The following ROR1 variants were observed in gnomAD, a reference collection of about 807,000 sequenced individuals.
The protein encoded by ROR1 is inactive tyrosine-protein kinase transmembrane receptor ROR1.
In ROR1, 19 loss-of-function variants were observed where a neutral mutation model predicts 78.8. That is an observed-to-expected ratio of 0.24 (90% CI 0.17 to 0.35). ROR1 has a LOEUF of 0.35. Ranked by LOEUF, ROR1 falls within the 10% of genes least tolerant of loss-of-function variation. The probability of loss-of-function intolerance (pLI) is 1.00; values close to 1 mark genes in which losing one functional copy is unlikely to be tolerated. For missense variants in ROR1, 917 were observed against 1,177.8 expected, an observed-to-expected ratio of 0.78 and a Z score of 3.24; for synonymous variants, 386 against 433.6, an observed-to-expected ratio of 0.89 and a Z score of 1.36.
chr1:64,047,102 G>T (rs921718171), intron 2 of ROR1, among the ~76,000 whole-genome samples: 4 of 152,140 alleles, frequency 2.6e-5, no homozygotes, highest in African/African-American at 9.7e-5. Context: ...TAACCATGGG[G>T]CAAGTCTGCT....
At chr1:63,955,145 G>A (rs1470071660) in intron 1 of ROR1, among the ~76,000 whole-genome samples, 1 of 152,114 alleles carries the variant, frequency 6.6e-6, no homozygotes, top group African/African-American at 2.4e-5. Context: ...AGAGAGGTTT[G>A]GCAAACACAA....
chr1:63,945,147 C>A lies in ROR1; in HGVS notation c.92-64158C>A, dbSNP rs182067415. Among the ~76,000 whole-genome samples the A allele has an allele frequency of 2.4e-3, 358 of 152,108 alleles. 2 individuals carry two copies. The highest frequency in any genetic ancestry group is 8.5e-3 in the African/African-American group (351 of 41,500). The stretch of plus-strand genomic sequence containing the variant: ...AATTATGGGAAAAGGTTAAAACGAC[C>A]CACATTAGTATGGTCCTCTGTAGTT... On this transcript the variant is annotated intron_variant, in intron 1 of 8. Coordinates refer to ENST00000371079, the MANE Select transcript of ROR1 (RefSeq NM_005012.4).
chr1:64,147,148 A>C (rs1316502157), intron 7 of ROR1, among the ~76,000 whole-genome samples: 1 of 152,196 alleles, frequency 6.6e-6, no homozygotes, highest in East Asian at 1.9e-4. Flanking sequence ...TCCCGTGCTG[A>C]TGAAGAACTC....
chr1:63,782,607 G>A (rs1170238413), intron 1 of ROR1, among the ~76,000 whole-genome samples: 1 of 139,922 alleles, frequency 7.1e-6, no homozygotes, highest in African/African-American at 2.9e-5. Context: ...ACATGAGGTT[G>A]TAAATCAGTG....
chr1:64,178,427 A>G lies in ROR1; in HGVS notation c.2386A>G (p.Ile796Val). Residue 796 changes from isoleucine (I) to valine (V), a missense_variant, in exon 9 of 9, where the codon ATT becomes GTT. This residue lies in a region of ROR1 where 835 missense variants were observed against 1,069.8 expected (regional missense o/e 0.78). Coordinates refer to ENST00000371079, the MANE Select transcript of ROR1 (RefSeq NM_005012.4). This position sits in a 1 kb window ranked among gnomAD's most constrained non-coding sequence, Gnocchi z 4.3. ...TAATTACATGTTCCCGAGCCAGGGT[A>G]TTACACCACAGGGCCAGATTGCTGG... ...YPNYMFPSQG[I>V]TPQGQIAGFI... 6.2e-7 allele frequency: 1 copy of G among 1,614,160 alleles called. No individual in the cohort carries two copies. The highest frequency in any genetic ancestry group is 8.5e-7 in the Non-Finnish European group (1 of 1,180,028).
chr1:64,169,405 G>A (rs1267445142), intron 8 of ROR1, among the ~76,000 whole-genome samples: 1 of 152,136 alleles, frequency 6.6e-6, no homozygotes, highest in Non-Finnish European at 1.5e-5. Flanking sequence ...AGCTTGTGCG[G>A]GGAAACTCCC....
chr1:64,152,719 T>G (rs978444376), intron 7 of ROR1, among the ~76,000 whole-genome samples: 1 of 152,212 alleles, frequency 6.6e-6, no homozygotes, highest in African/African-American at 2.4e-5. Flanking sequence ...TCGAGTACGA[T>G]CCTCTAAAAT....
intron 2 of ROR1, among the ~76,000 whole-genome samples, chr1:64,043,713 A>C (rs1256780237): frequency 6.6e-6 from 1 of 152,222 alleles, no homozygotes; most frequent in Non-Finnish European, 1.5e-5. Flanking sequence ...TGATTGCATC[A>C]GAACATAATA....
At chr1:63,815,127 T>C (rs562558851) in intron 1 of ROR1, among the ~76,000 whole-genome samples, 1 of 152,206 alleles carries the variant, frequency 6.6e-6, no homozygotes, top group Non-Finnish European at 1.5e-5. Flanking sequence ...GATTTGTGGT[T>C]GGTCTTTTGG....
intron 7 of ROR1, among the ~76,000 whole-genome samples, chr1:64,151,279 C>T (rs1289013680): frequency 6.6e-6 from 1 of 152,128 alleles, no homozygotes; most frequent in Non-Finnish European, 1.5e-5. Flanking sequence ...ATGCTGTGGC[C>T]TTTGGTAGAG....
At chr1:63,804,906 C>A (rs767641979) in intron 1 of ROR1, among the ~76,000 whole-genome samples, 1 of 152,184 alleles carries the variant, frequency 6.6e-6, no homozygotes, top group African/African-American at 2.4e-5. Flanking sequence ...CTGTTTGACC[C>A]CACCTTGGGA....
At chr1:64,037,467 C>A (rs776001846) in intron 2 of ROR1, among the ~76,000 whole-genome samples, 15 of 152,122 alleles carry the variant, frequency 9.9e-5, no homozygotes, top group Middle Eastern at 3.2e-3. Flanking sequence ...ACTTTAGTGG[C>A]CTAGGAGTTA....
intron 1 of ROR1, among the ~76,000 whole-genome samples, chr1:63,984,085 G>A (rs1015859801): frequency 2.6e-5 from 4 of 152,078 alleles, no homozygotes; most frequent in Non-Finnish European, 4.4e-5. Flanking sequence ...GTTGAAACAT[G>A]CCTTTCCTAG....
chr1:63,906,787 A>G (rs1645532407), intron 1 of ROR1, among the ~76,000 whole-genome samples: 1 of 152,134 alleles, frequency 6.6e-6, no homozygotes, highest in Admixed American at 6.5e-5. Flanking sequence ...ACCATTCTCC[A>G]TTTTGCTCAC....
chr1:64,152,819 G>A (rs1349838065), intron 7 of ROR1, among the ~76,000 whole-genome samples: 2 of 152,118 alleles, frequency 1.3e-5, no homozygotes, highest in Non-Finnish European at 2.9e-5. Context: ...ATGTTGAGCA[G>A]GCAGGATTCC....
intron 4 of ROR1, among the ~76,000 whole-genome samples, chr1:64,103,195 T>G (rs989464075): frequency 6.6e-6 from 1 of 152,198 alleles, no homozygotes; most frequent in African/African-American, 2.4e-5. Flanking sequence ...TGTGGGCTCT[T>G]TTTTGGTTCC....
intron 1 of ROR1, among the ~76,000 whole-genome samples, chr1:63,826,948 G>T (rs1014110673): frequency 2.0e-4 from 30 of 151,856 alleles, no homozygotes; most frequent in African/African-American, 6.5e-4. Flanking sequence ...TGATAGACTG[G>T]ATAAAAAAAA....
intron 1 of ROR1, among the ~76,000 whole-genome samples, chr1:63,910,256 C>G (rs1432416781): frequency 6.6e-6 from 1 of 152,148 alleles, no homozygotes; most frequent in Non-Finnish European, 1.5e-5. Flanking sequence ...ACAAGATGCC[C>G]ATGTTACAAA....
intron 1 of ROR1, among the ~76,000 whole-genome samples, chr1:63,996,094 T>C (rs1414762894): frequency 3.9e-5 from 6 of 152,132 alleles, no homozygotes; most frequent in Admixed American, 2.0e-4. Context: ...TACTATGAGT[T>C]TGGTGCAACA....
Sources: allele counts gnomAD v4.1 joint callset (sites outside exome capture counted in the v4.1 genomes callset), GRCh38; gene constraint gnomAD v4.1.1; regional missense constraint gnomAD v4.1.1; non-coding constraint Gnocchi (gnomAD v3.1); transcripts MANE v1.5; gene names NCBI Gene and HGNC (gene_info 2026-07-23, HGNC 2026-07-21).